The following MEX3C variants were observed in gnomAD, a reference collection of about 807,000 sequenced individuals.
The protein encoded by MEX3C is mex-3 RNA binding family member C.
A neutral mutation model predicts 35.5 loss-of-function variants in MEX3C; 15 were observed. The ratio of observed to expected loss-of-function variants is 0.42; its 90% CI spans 0.28 to 0.65. The LOEUF is 0.65. Ranked by LOEUF, MEX3C falls within the 30% of genes least tolerant of loss-of-function variation. The probability of loss-of-function intolerance (pLI) is 0.20; values close to 1 mark genes in which losing one functional copy is unlikely to be tolerated. For missense variants in MEX3C, 711 were observed against 842.8 expected, an observed-to-expected ratio of 0.84 and a Z score of 1.94; for synonymous variants, 390 against 352.8, an observed-to-expected ratio of 1.11 and a Z score of -1.18.
rs1912320477 is a variant in MEX3C, at chr18:51,177,004, G to A, written c.1327C>T (p.Arg443Ter). 1.2e-6 allele frequency: 2 copies of A among 1,613,948 alleles called. No homozygotes were observed. The highest frequency in any genetic ancestry group is 1.7e-6 in the Non-Finnish European group (2 of 1,179,878). Residue 443 changes from arginine to a stop codon, truncating the protein, a stop_gained, in exon 2 of 2, where the codon CGA becomes TGA. Transcript: ENST00000406189. LOFTEE classifies it high-confidence loss of function. This position sits in a 1 kb window ranked among gnomAD's most constrained non-coding sequence, Gnocchi z 4.2. ...PSRARMISNYRNDSSSSLGSG... is the reference protein window; with the variant it reads ...PSRARMISNY The stretch of plus-strand genomic sequence containing the variant: ...CCTAGAGAACTGGAACTATCATTTC[G>A]ATAATTGGATATCATTCTTGCGCGG...
rs1184630900 is a variant in MEX3C, at chr18:51,176,904, C to A, written c.1427G>T (p.Gly476Val). The change falls in exon 2 of 2, where the codon GGA becomes GTA. Residue 476 changes from glycine (G) to valine (V), a missense_variant. Physicochemically the swap from Gly to Val is moderately radical, Grantham distance 109. Around this residue, in one of 4 missense-constraint regions of MEX3C, gnomAD observed 187 missense variants for 201.7 expected, o/e 0.93. Coordinates refer to ENST00000406189, the MANE Select transcript of MEX3C (RefSeq NM_016626.5). ...DFSPTSPFST[G>V]NFWFGDTLPS... ...TAGTGTATCTCCAAACCAGAAGTTT[C>A]CTGTGCTAAATGGGCTTGTTGGACT... 1.2e-6 allele frequency: 2 copies of A among 1,613,876 alleles called. No individual in the cohort carries two copies. The highest frequency in any genetic ancestry group is 2.7e-5 in the African/African-American group (2 of 74,920).
At chr18:51,191,515 C>T (rs1309803902) in intron 1 of MEX3C, among the ~76,000 whole-genome samples, 1 of 152,144 alleles carries the variant, frequency 6.6e-6, no homozygotes, top group Non-Finnish European at 1.5e-5. Flanking sequence ...ACAAGCCCAT[C>T]TTGACAGAAG....
At chr18:51,188,653 C>A (rs1912590710) in intron 1 of MEX3C, among the ~76,000 whole-genome samples, 1 of 150,598 alleles carries the variant, frequency 6.6e-6, no homozygotes, top group African/African-American at 2.4e-5. Flanking sequence ...GGAAGAAAAC[C>A]CCAATTAAAA....
chr18:51,186,408 G>A (rs978498972), intron 1 of MEX3C, among the ~76,000 whole-genome samples: 1 of 152,210 alleles, frequency 6.6e-6, no homozygotes, highest in Non-Finnish European at 1.5e-5. Flanking sequence ...AAGGAGAGCA[G>A]AGGGAACTGC....
At position 51,196,764 on chromosome 18, in the gene MEX3C, AC is replaced by A; in HGVS notation, c.556del (p.Val186CysfsTer11). 2 of 1,494,070 alleles carry A rather than the reference AC, an allele frequency of 1.3e-6. No homozygotes were observed. Among genetic ancestry groups the A allele is most frequent in the South Asian group, 1.2e-5 (1 of 81,454 alleles). The allele number at this position is 1,494,070 out of a possible 1,614,324, so 92.6% of individuals were successfully genotyped here. ...CTGGGCATCGTCCCCTCCGTACAGC[AC>A]CCCCGCCGCCGCCGCCGCGGCCGCC... ...EAAAAAAAAG[V>X]LYGGDDAQGM... On this transcript the variant is annotated frameshift_variant, in exon 1 of 2. Transcript: ENST00000406189. LOFTEE classifies it high-confidence loss of function.
intron 1 of MEX3C, chr18:51,193,090 C>T (rs553417548): frequency 2.0e-5 from 3 of 152,228 alleles, no homozygotes; most frequent in Admixed American, 2.0e-4. Flanking sequence ...CAAATTGAAA[C>T]AGTGTAAAGT....
intron 1 of MEX3C, among the ~76,000 whole-genome samples, chr18:51,185,741 G>A (rs1167007624): frequency 6.6e-6 from 1 of 152,070 alleles, no homozygotes; most frequent in East Asian, 1.9e-4. Context: ...CACGGGCATT[G>A]GAATAGGTGA....
chr18:51,182,526 T>C (rs1599252396), intron 1 of MEX3C, among the ~76,000 whole-genome samples: 2 of 152,180 alleles, frequency 1.3e-5, no homozygotes, highest in African/African-American at 4.8e-5. Context: ...AAAAAGAGTC[T>C]CCAACTTAAC....
At chr18:51,190,693 C>T (rs1599256364) in intron 1 of MEX3C, among the ~76,000 whole-genome samples, 1 of 131,162 alleles carries the variant, frequency 7.6e-6, no homozygotes. Context: ...ACTTAAAATT[C>T]TCAAAGTCAG....
chr18:51,197,080 C>A lies in MEX3C; in HGVS notation c.241G>T (p.Ala81Ser). 1.6e-6 allele frequency: 2 copies of A among 1,286,404 alleles called. No homozygotes were observed. Among genetic ancestry groups the A allele is most frequent in the South Asian group, 4.8e-5 (2 of 41,262 alleles). The allele number at this position is 1,286,404 out of a possible 1,614,324, so 79.7% of individuals were successfully genotyped here. A position where few individuals can be genotyped will look rare whatever the true frequency, so the allele number is the denominator to read the frequency against. Residue 81 changes from alanine to serine, a missense_variant, in exon 1 of 2, where the codon GCC (alanine) becomes TCC (serine). By Grantham distance (99) the Ala-to-Ser change is moderately conservative (BLOSUM62 1). Transcript: ENST00000406189. ...RAPAAAAQGQARRAAELSPEE... is the reference protein window; with the variant it reads ...RAPAAAAQGQSRRAAELSPEE... ...GGAGACAGCTCCGCCGCCCGCCGGG[C>A]CTGGCCCTGCGCCGCCGCTGCCGGG... is the stretch of plus-strand genomic sequence containing the variant.
chr18:51,177,164 C>G lies in MEX3C; in HGVS notation c.1167G>C (p.Met389Ile). 1 of 1,613,794 alleles carries G rather than the reference C, an allele frequency of 6.2e-7. No individual in the cohort carries two copies. The highest frequency in any genetic ancestry group is 8.5e-7 in the Non-Finnish European group (1 of 1,179,892). ...NVDRAREEIEMHIAMRTGNYI... is the reference protein window; with the variant it reads ...NVDRAREEIEIHIAMRTGNYI... The stretch of plus-strand genomic sequence containing the variant: ...AGTTTCCTGTACGCATGGCAATATG[C>G]ATTTCTATTTCTTCCCGTGCTCGGT... Residue 389 changes from methionine to isoleucine, a missense_variant, in exon 2 of 2, where the codon ATG becomes ATC. Around this residue, in one of 4 missense-constraint regions of MEX3C, gnomAD observed 187 missense variants for 201.7 expected, o/e 0.93. Transcript: ENST00000406189. This position sits in a 1 kb window ranked among gnomAD's most constrained non-coding sequence, Gnocchi z 4.2.
Position 51,197,566 on chromosome 18 carries a change from G to C in MEX3C, c.-246C>G, listed in dbSNP as rs956498630. ...GGTGGGTGGGTGGGGACGGCGGCGG[G>C]GCGGGCTGGTGGAGGTGGCAGCGGC... On this transcript the variant is annotated 5_prime_UTR_variant, in exon 1 of 2. Transcript: ENST00000406189. Among the ~76,000 whole-genome samples, 1 of 150,426 alleles carries C rather than the reference G, an allele frequency of 6.6e-6. No homozygotes were observed. The highest frequency in any genetic ancestry group is 2.4e-5 in the African/African-American group (1 of 40,958).
intron 1 of MEX3C, among the ~76,000 whole-genome samples, chr18:51,190,450 C>T (rs1434775434): frequency 6.6e-6 from 1 of 152,140 alleles, no homozygotes. Flanking sequence ...TGTTCAAGAC[C>T]AAATTACTTA....
chr18:51,194,359 C>A (rs1912727345), intron 1 of MEX3C: 1 of 152,156 alleles, frequency 6.6e-6, no homozygotes, highest in African/African-American at 2.4e-5. Flanking sequence ...GAAGAGCCAG[C>A]AATTTGTCTC....
intron 1 of MEX3C, among the ~76,000 whole-genome samples, chr18:51,181,926 G>A (rs1014605536): frequency 1.3e-5 from 2 of 152,124 alleles, no homozygotes; most frequent in African/African-American, 4.8e-5. Context: ...TTAGCATATT[G>A]ATTAGACGTT....
intron 1 of MEX3C, among the ~76,000 whole-genome samples, chr18:51,180,164 CT>C (rs2144549116): frequency 6.6e-6 from 1 of 152,198 alleles, no homozygotes; most frequent in African/African-American, 2.4e-5. Flanking sequence ...TAATCAAATA[CT>C]TTTGATACTA....
chr18:51,181,061 A>C, intron 1 of MEX3C, among the ~76,000 whole-genome samples: 1 of 152,194 alleles, frequency 6.6e-6, no homozygotes, highest in East Asian at 1.9e-4. Flanking sequence ...GTAATTTTGC[A>C]GGTGACGAAG....
At position 51,176,492 on chromosome 18, in the gene MEX3C, C is replaced by G. The variant is rs151237086; in HGVS notation, c.1839G>C (p.Glu613Asp). The change falls in exon 2 of 2, where the codon GAG (glutamate) becomes GAC (aspartate). Residue 613 changes from glutamate (E) to aspartate (D), a missense_variant. Glu to Asp is a conservative substitution (Grantham distance 45). Around this residue, in one of 4 missense-constraint regions of MEX3C, gnomAD observed 87 missense variants for 150.4 expected, o/e 0.58. Coordinates refer to ENST00000406189, the MANE Select transcript of MEX3C (RefSeq NM_016626.5). ...GAACTAGGGCAGCAATAACCTCATT[C>G]TCAAAGCAAATCACACAGTCGTGCT... ...RRKHDCVICF[E>D]NEVIAALVPC... is the part of the protein sequence containing the mutation. 6.2e-7 allele frequency: 1 copy of G among 1,614,016 alleles called. No individual in the cohort carries two copies. Among genetic ancestry groups the G allele is most frequent in the Non-Finnish European group, 8.5e-7 (1 of 1,179,900 alleles).
chr18:51,178,029 T>G (rs981038902), intron 1 of MEX3C, among the ~76,000 whole-genome samples: 7 of 152,132 alleles, frequency 4.6e-5, no homozygotes, highest in East Asian at 3.8e-4. Flanking sequence ...TCTAAATTAC[T>G]GCATAAACTA....
Sources: allele counts gnomAD v4.1 joint callset (sites outside exome capture counted in the v4.1 genomes callset), GRCh38; gene constraint gnomAD v4.1.1; regional missense constraint gnomAD v4.1.1; non-coding constraint Gnocchi (gnomAD v3.1); transcripts MANE v1.5; gene names NCBI Gene and HGNC (gene_info 2026-07-23, HGNC 2026-07-21).